Variants in PHKG1 observed in about 807,000 individuals in gnomAD.
The protein encoded by PHKG1 is phosphorylase b kinase gamma catalytic chain, skeletal muscle/heart isoform.
In PHKG1, 48 loss-of-function variants were observed where a neutral mutation model predicts 50.5. The observed-to-expected ratio is 0.95, with a 90% CI of 0.75 to 1.21. The LOEUF (loss-of-function observed/expected upper bound fraction) is 1.21, where lower values mean the gene tolerates loss of function less well. PHKG1 is among the 50% of genes most tolerant of loss of function. The pLI is 0.00. For synonymous variants in PHKG1, 204 were observed against 212.8 expected, an observed-to-expected ratio of 0.96 and a Z score of 0.36; for missense variants, 487 against 519.5, an observed-to-expected ratio of 0.94 and a Z score of 0.61.
At chr7:56,091,897 C>G (rs561125533) in intron 1 of PHKG1, among the ~76,000 whole-genome samples, 1 of 152,366 alleles carries the variant, frequency 6.6e-6, no homozygotes, top group Admixed American at 6.5e-5. Context: ...CTTGGCGGAG[C>G]CCGGGACTGT....
At chr7:56,087,837 T>G in intron 2 of PHKG1, 61 bp from the exon 3 acceptor site, 1 of 1,370,390 alleles carries the variant, frequency 7.3e-7, no homozygotes, top group Non-Finnish European at 1.0e-6. Context: ...GGTCCCAGAT[T>G]AGAGGCTGCA....
intron 1 of PHKG1, among the ~76,000 whole-genome samples, chr7:56,089,399 C>CA (rs1282644208): frequency 8.6e-4 from 118 of 137,792 alleles, no homozygotes; most frequent in East Asian, 4.9e-3. Flanking sequence ...GACTCCGGCT[C>CA]AAAAAAAAAA....
chr7:56,089,147 A>G (rs1309015310), intron 1 of PHKG1, among the ~76,000 whole-genome samples, 172 bp from the exon 2 acceptor site: 4 of 152,090 alleles, frequency 2.6e-5, no homozygotes, highest in South Asian at 2.1e-4. Flanking sequence ...GCTCACACCT[A>G]TAATCCCAGA....
intron 3 of PHKG1, 76 bp from the exon 4 acceptor site, chr7:56,087,100 G>T: frequency 9.2e-7 from 1 of 1,089,818 alleles, no homozygotes; most frequent in Non-Finnish European, 1.4e-6. Flanking sequence ...GGGGGTCAGG[G>T]ACCGAGGCTG....
intron 1 of PHKG1, among the ~76,000 whole-genome samples, chr7:56,092,085 C>T (rs1230404039): frequency 2.0e-5 from 3 of 152,252 alleles, no homozygotes; most frequent in Non-Finnish European, 4.4e-5. Context: ...CGCAAGCCTC[C>T]AGTCCTTGGC....
At chr7:56,086,092 TCCTGCCAC>T (rs1401796723) in intron 4 of PHKG1, among the ~76,000 whole-genome samples, 1 of 151,456 alleles carries the variant, frequency 6.6e-6, no homozygotes, top group Non-Finnish European at 1.5e-5. Flanking sequence ...CGACCTTACA[TCCTGCCAC>T]CCTCTGCTTG....
rs146971620 is a variant in PHKG1 at position 56,082,186 on chromosome 7, C to G, written c.615G>C (p.Pro205=). The change falls in exon 7 of 10, where the codon CCG becomes CCC. Residue 205 remains proline, a synonymous_variant. Coordinates refer to ENST00000297373, the MANE Select transcript of PHKG1 (RefSeq NM_006213.5). ...ACATGTCCACCTCTTTCCCGTAGCC[C>G]GGGTGGTCCTCATTCATGGAGCACT... ...IIECSMNEDH[P]GYGKEVDMWS... The G allele has an allele frequency of 1.2e-6, 2 of 1,613,972 alleles. No individual in the cohort carries two copies. The highest frequency in any genetic ancestry group is 1.7e-6 in the Non-Finnish European group (2 of 1,179,992).
intron 2 of PHKG1, chr7:56,088,606 C>G (rs539550904): frequency 2.9e-4 from 104 of 364,302 alleles, no homozygotes; most frequent in Middle Eastern, 8.0e-4. Flanking sequence ...ATCCTCCCAC[C>G]TCAGCCTCCC....
chr7:56,084,296 G>A, intron 4 of PHKG1: 2 of 1,099,734 alleles, frequency 1.8e-6, no homozygotes, highest in Non-Finnish European at 2.7e-6. Context: ...AATGATGGCT[G>A]GAGGCTGAAA....
chr7:56,080,979 C>A lies in PHKG1; in HGVS notation c.*75G>T. The A allele has an allele frequency of 6.4e-7, 1 of 1,558,678 alleles. No individual in the cohort carries two copies. The highest frequency in any genetic ancestry group is 8.7e-7 in the Non-Finnish European group (1 of 1,145,610). On this transcript the variant is annotated 3_prime_UTR_variant, in exon 10 of 10. Coordinates refer to ENST00000297373, the MANE Select transcript of PHKG1 (RefSeq NM_006213.5). ...TCCTTCTGCAGAGGCCTGCACGCAT[C>A]TCACCCCTTTGACTTGTATTTCCAT...
At position 56,083,586 on chromosome 7, in the gene PHKG1, C is replaced by G. The variant is rs892720442; in HGVS notation, c.383+64G>C. The G allele has an allele frequency of 4.0e-6, 6 of 1,503,598 alleles. No homozygotes were observed. The African/African-American group carries it at 8.3e-5, about 21-fold the overall frequency. The allele number at this position is 1,503,598 out of a possible 1,614,324, so 93.1% of individuals were successfully genotyped here. On this transcript the variant is annotated intron_variant, in intron 5 of 9. Transcript: ENST00000297373. ...TGTGCACGCCCTGCCTCCCCTGAGA[C>G]CCCAGTGCCTGTGGCCCTAAGCCAC...
chr7:56,081,638 T>A lies in PHKG1; in HGVS notation c.910A>T (p.Lys304Ter). The change falls in exon 9 of 10, where the codon AAG becomes TAG. Residue 304 changes from lysine to a stop codon, truncating the protein, a stop_gained. Transcript: ENST00000297373. LOFTEE classifies it high-confidence loss of function. The surrounding 1 kb of genome is among the most constrained non-coding windows in gnomAD (Gnocchi z 4.6). ...ATCAGGACGCTTAGTACCTTGAACT[T>A]CCCCCGGGGGCTGAAGTGCCGCACT... ...EEVRHFSPRG[K>*]FKVIALTVLA... is the part of the protein sequence containing the mutation. 6.2e-7 allele frequency: 1 copy of A among 1,613,302 alleles called. No individual in the cohort carries two copies.
At chr7:56,085,342 C>T (rs912498936) in intron 4 of PHKG1, among the ~76,000 whole-genome samples, 10 of 152,184 alleles carry the variant, frequency 6.6e-5, no homozygotes, top group African/African-American at 2.4e-4. Context: ...AAGCAATCCT[C>T]CCACCACAGC....
At chr7:56,082,600 AAGAG>A (rs1241415131) in intron 6 of PHKG1, among the ~76,000 whole-genome samples, 11 of 151,818 alleles carry the variant, frequency 7.2e-5, no homozygotes, top group African/African-American at 2.2e-4. Flanking sequence ...TCAAAAAAAA[AAGAG>A]AGGAAGTCCA....
chr7:56,080,983 C>A lies in PHKG1; in HGVS notation c.*71G>T. 2 of 1,569,978 alleles carry A rather than the reference C, an allele frequency of 1.3e-6. No individual in the cohort carries two copies. Among genetic ancestry groups the A allele is most frequent in the Non-Finnish European group, 1.7e-6 (2 of 1,153,362 alleles). ...TCTGCAGAGGCCTGCACGCATCTCA[C>A]CCCTTTGACTTGTATTTCCATGGCT... On this transcript the variant is annotated 3_prime_UTR_variant, in exon 10 of 10. Transcript: ENST00000297373.
intron 3 of PHKG1, 56 bp downstream of exon 3, chr7:56,087,542 G>T: frequency 6.4e-7 from 1 of 1,557,094 alleles, no homozygotes; most frequent in Non-Finnish European, 8.8e-7. Flanking sequence ...GGCTTGGGCT[G>T]TCAGGGCAGA....
At chr7:56,088,704 A>T in intron 2 of PHKG1, 155 bp downstream of exon 2, 1 of 584,128 alleles carries the variant, frequency 1.7e-6, no homozygotes, top group African/African-American at 1.9e-5. Context: ...TCCTGGCTTC[A>T]GGAGGGCAGG....
At chr7:56,084,350 A>G (rs1447209938) in intron 4 of PHKG1, 3 of 611,356 alleles carry the variant, frequency 4.9e-6, no homozygotes, top group African/African-American at 3.9e-5. Flanking sequence ...GACCCAGATC[A>G]GAAGGACGTG....
chr7:56,081,506 G>T lies in PHKG1; in HGVS notation c.918+124C>A. 1 of 1,301,982 alleles carries T rather than the reference G, an allele frequency of 7.7e-7. No individual in the cohort carries two copies. Among genetic ancestry groups the T allele is most frequent in the Non-Finnish European group, 1.1e-6 (1 of 933,372 alleles). 80.7% of individuals were successfully genotyped at this position (1,301,982 alleles called of 1,614,324 possible). On this transcript the variant is annotated intron_variant, in intron 9 of 9. Transcript: ENST00000297373. The surrounding 1 kb of genome is among the most constrained non-coding windows in gnomAD (Gnocchi z 4.6). The stretch of plus-strand genomic sequence containing the variant: ...CCTGCCGTCTTTGAAGCCATCACAG[G>T]GCAGCTGGGAGGGGAGGGATGGGTA...
Sources: allele counts gnomAD v4.1 joint callset (sites outside exome capture counted in the v4.1 genomes callset), GRCh38; gene constraint gnomAD v4.1.1; non-coding constraint Gnocchi (gnomAD v3.1); transcripts MANE v1.5; gene names NCBI Gene and HGNC (gene_info 2026-07-23, HGNC 2026-07-21).